Variants in PABPC4L observed in about 807,000 individuals in gnomAD.
PABPC4L encodes the protein poly(A) binding protein cytoplasmic 4 like.
For synonymous variants in PABPC4L, 169 were observed against 164.1 expected, an observed-to-expected ratio of 1.03 and a Z score of -0.23; for missense variants, 452 against 451.4, an observed-to-expected ratio of 1.00 and a Z score of -0.01.
At chr4:134,055,645 T>G in the PABPC4L span, among the ~76,000 whole-genome samples, 186 of 151,660 alleles carry the variant, frequency 1.2e-3, 3 homozygotes, top group Admixed American at 0.012. Context: ...TTTTTTTTTT[T>G]TGGCAATTTT....
the PABPC4L span, among the ~76,000 whole-genome samples, chr4:134,169,221 T>G: frequency 2.0e-5 from 3 of 152,090 alleles, no homozygotes; most frequent in Non-Finnish European, 4.4e-5. Flanking sequence ...TTTCTACTGA[T>G]GCTGATAAAA....
chr4:134,190,922 G>A, the PABPC4L span, among the ~76,000 whole-genome samples: 1 of 152,074 alleles, frequency 6.6e-6, no homozygotes, highest in Non-Finnish European at 1.5e-5. Flanking sequence ...AATGTGCTGG[G>A]ATTACAGGCG....
At chr4:133,997,398 T>C in the PABPC4L span, among the ~76,000 whole-genome samples, 1 of 151,996 alleles carries the variant, frequency 6.6e-6, no homozygotes, top group African/African-American at 2.4e-5. Flanking sequence ...ATGGCTCTCA[T>C]GAAGATGTAC....
the PABPC4L span, among the ~76,000 whole-genome samples, chr4:134,082,796 G>C: frequency 6.6e-6 from 1 of 151,656 alleles, no homozygotes; most frequent in Non-Finnish European, 1.5e-5. Flanking sequence ...TATTTGATAA[G>C]ATCCTACTGA....
At chr4:134,113,048 A>G in the PABPC4L span, among the ~76,000 whole-genome samples, 1 of 151,972 alleles carries the variant, frequency 6.6e-6, no homozygotes, top group African/African-American at 2.4e-5. Flanking sequence ...GAAAAATTTA[A>G]AAATGGAAAA....
the PABPC4L span, among the ~76,000 whole-genome samples, chr4:134,024,013 A>T: frequency 6.6e-6 from 1 of 152,282 alleles, no homozygotes; most frequent in African/African-American, 2.4e-5. Flanking sequence ...TACATTAAGT[A>T]GTTTGTATAA....
chr4:133,986,432 G>A, the PABPC4L span, among the ~76,000 whole-genome samples: 2 of 151,752 alleles, frequency 1.3e-5, no homozygotes, highest in African/African-American at 2.4e-5. Context: ...TTGGAATTCA[G>A]GACATAAAAA....
chr4:134,089,645 A>G, the PABPC4L span, among the ~76,000 whole-genome samples: 1 of 152,162 alleles, frequency 6.6e-6, no homozygotes, highest in South Asian at 2.1e-4. Context: ...TATCCTTTGA[A>G]CAATACACAA....
chr4:133,967,105 T>C, the PABPC4L span, among the ~76,000 whole-genome samples: 2 of 151,942 alleles, frequency 1.3e-5, no homozygotes, highest in Non-Finnish European at 2.9e-5. Context: ...TTTGAGGAGA[T>C]GAGAAAAACA....
chr4:133,976,391 T>G, the PABPC4L span, among the ~76,000 whole-genome samples: 1 of 152,304 alleles, frequency 6.6e-6, no homozygotes, highest in African/African-American at 2.4e-5. Flanking sequence ...GTCCTTGCTA[T>G]TGTGACTAGT....
the PABPC4L span, among the ~76,000 whole-genome samples, chr4:134,049,448 A>G: frequency 6.6e-6 from 1 of 152,174 alleles, no homozygotes; most frequent in African/African-American, 2.4e-5. Flanking sequence ...GGCCAACATT[A>G]TAACTGGGTA....
chr4:134,016,625 C>T, the PABPC4L span, among the ~76,000 whole-genome samples: 13 of 152,176 alleles, frequency 8.5e-5, no homozygotes, highest in African/African-American at 3.1e-4. Context: ...TTGTCCCACA[C>T]AAGGCAAATG....
chr4:134,003,601 T>C, the PABPC4L span, among the ~76,000 whole-genome samples: 3 of 151,958 alleles, frequency 2.0e-5, no homozygotes, highest in African/African-American at 7.2e-5. Flanking sequence ...TATTAAAAAA[T>C]AATGATTTCC....
At chr4:134,177,811 C>T in the PABPC4L span, among the ~76,000 whole-genome samples, 2 of 152,092 alleles carry the variant, frequency 1.3e-5, no homozygotes, top group Admixed American at 6.6e-5. Context: ...TCTGCATGAA[C>T]TCAGCTGATG....
the PABPC4L span, among the ~76,000 whole-genome samples, chr4:134,130,522 T>C: frequency 3.3e-5 from 5 of 151,940 alleles, no homozygotes; most frequent in East Asian, 1.9e-4. Context: ...AAGTGCAAGA[T>C]TGAAATGGTA....
the PABPC4L span, among the ~76,000 whole-genome samples, chr4:133,973,968 C>T: frequency 1.3e-5 from 2 of 152,034 alleles, no homozygotes; most frequent in Non-Finnish European, 2.9e-5. Flanking sequence ...TTCATATACC[C>T]AGGATTGTGG....
the PABPC4L span, among the ~76,000 whole-genome samples, chr4:134,131,714 C>CAAAAAAAAAAAA: frequency 9.4e-4 from 10 of 10,672 alleles, 3 homozygotes; most frequent in African/African-American, 3.8e-3. Context: ...CCTGTGAAAC[C>CAAAAAAAAAAAA]AAAAAAAAAA....
the PABPC4L span, among the ~76,000 whole-genome samples, chr4:134,182,238 A>G: frequency 1.3e-5 from 2 of 152,114 alleles, no homozygotes; most frequent in African/African-American, 2.4e-5. Context: ...TAACCAAAAC[A>G]GCATGACACT....
At chr4:134,085,263 A>C in the PABPC4L span, among the ~76,000 whole-genome samples, 5 of 152,194 alleles carry the variant, frequency 3.3e-5, no homozygotes, top group South Asian at 1.0e-3. Context: ...TAAATTTTAT[A>C]AACTTTAAAA....
Sources: gnomAD v4.1 joint callset for allele counts (sites outside exome capture counted in the v4.1 genomes callset) on GRCh38, gnomAD v4.1.1 for gene constraint, MANE v1.5 for transcripts, NCBI Gene and HGNC (gene_info 2026-07-23, HGNC 2026-07-21) for gene names.